The following RSRC1 variants were observed in gnomAD, a reference collection of about 807,000 sequenced individuals.
RSRC1 encodes serine/Arginine-related protein 53.
In RSRC1, 39 loss-of-function variants were observed where a neutral mutation model predicts 49.1. The ratio of observed to expected loss-of-function variants is 0.79; its 90% confidence interval spans 0.61 to 1.04. RSRC1 has a LOEUF of 1.04. RSRC1 is among the 50% of genes least tolerant of loss of function. RSRC1 has a pLI of 0.00. For synonymous variants in RSRC1, 143 were observed against 130.8 expected (o/e 1.09, Z -0.63); for missense variants, 388 against 402.4 (o/e 0.96, Z 0.31).
chr3:158,163,606 A>G (rs1290029463), intron 3 of RSRC1, among the ~76,000 whole-genome samples: 1 of 152,076 alleles, frequency 6.6e-6, no homozygotes, highest in African/African-American at 2.4e-5. Context: ...CCAAAGATGG[A>G]TGGGTGAAGA....
intron 3 of RSRC1, among the ~76,000 whole-genome samples, chr3:158,176,695 A>G (rs1207753610): frequency 1.3e-5 from 2 of 152,344 alleles, no homozygotes; most frequent in East Asian, 1.9e-4. Context: ...TAAAAACCCT[A>G]GAAGAAAACC....
At chr3:158,156,344 T>A (rs1480967217) in intron 3 of RSRC1, among the ~76,000 whole-genome samples, 1 of 152,244 alleles carries the variant, frequency 6.6e-6, no homozygotes. Context: ...AAGGGAATGT[T>A]ATGGCTGGTT....
chr3:158,188,247 A>G (rs1720039219), intron 3 of RSRC1, among the ~76,000 whole-genome samples: 1 of 151,920 alleles, frequency 6.6e-6, no homozygotes, highest in Admixed American at 6.6e-5. Flanking sequence ...CCCTGGTTCC[A>G]TGGAATTTCA....
intron 4 of RSRC1, among the ~76,000 whole-genome samples, chr3:158,262,008 A>G (rs910070241): frequency 3.3e-5 from 5 of 152,192 alleles, no homozygotes; most frequent in African/African-American, 4.8e-5. Flanking sequence ...AGCCCCATCC[A>G]TGGAAAAATC....
intron 7 of RSRC1, among the ~76,000 whole-genome samples, chr3:158,495,859 A>G (rs1739297357): frequency 6.6e-6 from 1 of 152,242 alleles, no homozygotes; most frequent in African/African-American, 2.4e-5. Context: ...TATGGCCTAC[A>G]AAGCCTAAAA....
At chr3:158,324,531 C>T (rs944707275) in intron 5 of RSRC1, among the ~76,000 whole-genome samples, 1 of 152,134 alleles carries the variant, frequency 6.6e-6, no homozygotes, top group Admixed American at 6.5e-5. Context: ...TGGTCTCCAG[C>T]TTCATCCATG....
At chr3:158,374,177 G>A (rs1470661834) in intron 6 of RSRC1, among the ~76,000 whole-genome samples, 1 of 151,868 alleles carries the variant, frequency 6.6e-6, no homozygotes, top group South Asian at 2.1e-4. Flanking sequence ...TTTTTCTTTG[G>A]TTCCAAATGA....
chr3:158,180,710 C>G (rs369235174), intron 3 of RSRC1, among the ~76,000 whole-genome samples: 1 of 151,420 alleles, frequency 6.6e-6, no homozygotes, highest in African/African-American at 2.4e-5. Flanking sequence ...TCAAGTGATT[C>G]GCCTGCCTCG....
chr3:158,269,635 C>A (rs550546514), intron 4 of RSRC1, among the ~76,000 whole-genome samples: 2 of 152,210 alleles, frequency 1.3e-5, no homozygotes, highest in Admixed American at 1.3e-4. Context: ...GCCTCAGCCT[C>A]CCGAGTAGCT....
intron 6 of RSRC1, among the ~76,000 whole-genome samples, chr3:158,440,636 C>G (rs1736333312): frequency 6.6e-6 from 1 of 152,106 alleles, no homozygotes. Context: ...GATTCTATAG[C>G]ATGTTTCAGA....
intron 4 of RSRC1, among the ~76,000 whole-genome samples, chr3:158,254,846 G>A (rs1445125601): frequency 2.0e-5 from 3 of 152,220 alleles, no homozygotes; most frequent in Non-Finnish European, 4.4e-5. Context: ...TCATGTGTCT[G>A]TTGGCTGCAT....
At chr3:158,495,478 G>C (rs1301567223) in intron 7 of RSRC1, among the ~76,000 whole-genome samples, 1 of 151,994 alleles carries the variant, frequency 6.6e-6, no homozygotes, top group Non-Finnish European at 1.5e-5. Flanking sequence ...TAGAGACAGG[G>C]TTTCACCATG....
intron 5 of RSRC1, among the ~76,000 whole-genome samples, chr3:158,305,563 T>C (rs899016614): frequency 6.6e-6 from 1 of 152,016 alleles, no homozygotes; most frequent in African/African-American, 2.4e-5. Context: ...ACCTAGCAGT[T>C]ATTTCAGGGG....
chr3:158,138,869 T>C (rs1716563507), intron 3 of RSRC1, among the ~76,000 whole-genome samples: 1 of 152,182 alleles, frequency 6.6e-6, no homozygotes, highest in African/African-American at 2.4e-5. Flanking sequence ...AGTTTAAAAG[T>C]AGGTAAACTG....
chr3:158,326,705 C>T lies in RSRC1; in HGVS notation c.532-28152C>T, dbSNP rs948136965. On this transcript the variant is annotated intron_variant, in intron 5 of 9. Coordinates refer to ENST00000611884, the MANE Select transcript of RSRC1 (RefSeq NM_001271838.2). Reference sequence around the variant, plus strand: ...TTTAAATTCTCTTTTTTTGTTGTGTCTCTGCCAGGCTTTGGTATCAGGATG... The same window carrying T: ...TTTAAATTCTCTTTTTTTGTTGTGTTTCTGCCAGGCTTTGGTATCAGGATG... Among the ~76,000 whole-genome samples the T allele has an allele frequency of 1.4e-4, 21 of 152,156 alleles. No individual in the cohort carries two copies. In the East Asian group the frequency reaches 3.7e-3, roughly 27 times the overall value.
At chr3:158,428,583 G>A (rs1735592393) in intron 6 of RSRC1, among the ~76,000 whole-genome samples, 1 of 151,800 alleles carries the variant, frequency 6.6e-6, no homozygotes, top group African/African-American at 2.4e-5. Context: ...CATGTAAAAT[G>A]TTTAGAAAGA....
chr3:158,305,536 AG>A (rs11360081), intron 5 of RSRC1, among the ~76,000 whole-genome samples: 1,798 of 152,120 alleles, frequency 0.012, 30 homozygotes, highest in African/African-American at 0.042. Context: ...CCTTCATTGC[AG>A]GGCATCCCAT....
At chr3:158,241,829 T>C (rs1295775180) in intron 4 of RSRC1, among the ~76,000 whole-genome samples, 2 of 152,020 alleles carry the variant, frequency 1.3e-5, no homozygotes, top group Non-Finnish European at 2.9e-5. Flanking sequence ...AAATTTCCCC[T>C]TGAATTTAAG....
intron 5 of RSRC1, among the ~76,000 whole-genome samples, chr3:158,345,352 A>G (rs966998788): frequency 1.3e-5 from 2 of 152,190 alleles, no homozygotes; most frequent in Admixed American, 6.5e-5. Flanking sequence ...TTCAGATTGT[A>G]TAATAAAGCA....
Sources: allele counts gnomAD v4.1 joint callset (sites outside exome capture counted in the v4.1 genomes callset), GRCh38; gene constraint gnomAD v4.1.1; transcripts MANE v1.5; gene names NCBI Gene and HGNC (gene_info 2026-07-23, HGNC 2026-07-21).